Variants in KAZN observed in about 807,000 individuals in gnomAD.
KAZN encodes kazrin.
Under a neutral mutation model 87.4 loss-of-function variants are expected in KAZN, and 40 were observed. The observed-to-expected ratio is 0.46, with a 90% CI of 0.36 to 0.60. The LOEUF is 0.60. Among genes scored for constraint, KAZN ranks in the 20% least tolerant of loss-of-function variants. KAZN has a pLI of 0.00. For synonymous variants in KAZN, 466 were observed against 458.3 expected (o/e 1.02, Z -0.22); for missense variants, 898 against 1,073.9 (o/e 0.84, Z 2.29).
At chr1:14,942,044 A>G (rs568497871) in intron 1 of KAZN, among the ~76,000 whole-genome samples, 2 of 152,188 alleles carry the variant, frequency 1.3e-5, no homozygotes, top group South Asian at 4.1e-4. Flanking sequence ...TTCGTGTCCC[A>G]AGTCGTGTTA....
intron 2 of KAZN, among the ~76,000 whole-genome samples, chr1:14,343,319 G>T (rs1375500416): frequency 6.6e-6 from 1 of 152,170 alleles, no homozygotes; most frequent in African/African-American, 2.4e-5. Flanking sequence ...AAGACGATTT[G>T]AGTCCACTTC....
intron 1 of KAZN, among the ~76,000 whole-genome samples, chr1:14,637,434 C>T (rs1680075163): frequency 6.6e-6 from 1 of 152,068 alleles, no homozygotes; most frequent in East Asian, 1.9e-4. Context: ...AACTGAGGCT[C>T]GGAAAGGTCA....
intron 1 of KAZN, among the ~76,000 whole-genome samples, chr1:14,879,845 A>G (rs951134097): frequency 1.3e-5 from 2 of 152,218 alleles, no homozygotes; most frequent in African/African-American, 4.8e-5. Flanking sequence ...ATGGTCCCCA[A>G]ATATGAGCTA....
intron 1 of KAZN, among the ~76,000 whole-genome samples, chr1:14,933,628 G>A (rs1021447883): frequency 3.3e-5 from 5 of 150,900 alleles, no homozygotes; most frequent in Non-Finnish European, 7.3e-5. Context: ...GCATTGTGAT[G>A]TACATTTTAA....
chr1:14,782,650 T>C (rs1645393174), intron 1 of KAZN, among the ~76,000 whole-genome samples: 1 of 151,388 alleles, frequency 6.6e-6, no homozygotes, highest in African/African-American at 2.4e-5. Context: ...ATTTTAGTAA[T>C]TGAAGAGGCC....
chr1:15,033,446 C>T (rs1037014839), intron 2 of KAZN, among the ~76,000 whole-genome samples: 2 of 152,132 alleles, frequency 1.3e-5, no homozygotes, highest in Non-Finnish European at 2.9e-5. Flanking sequence ...GGAGTAGAAT[C>T]GCAGGGTCGT....
At chr1:15,087,488 G>A (rs1404318002) in intron 8 of KAZN, among the ~76,000 whole-genome samples, 1 of 151,920 alleles carries the variant, frequency 6.6e-6, no homozygotes, top group Non-Finnish European at 1.5e-5. Context: ...CGCCTCCTGG[G>A]TTCAAGCAAT....
intron 2 of KAZN, among the ~76,000 whole-genome samples, chr1:14,421,754 CT>C (rs1665440880): frequency 6.6e-6 from 1 of 152,130 alleles, no homozygotes; most frequent in East Asian, 1.9e-4. Flanking sequence ...ATCTCCCAAA[CT>C]CTTTTTACCA....
At chr1:14,935,225 C>T (rs1335704409) in intron 1 of KAZN, among the ~76,000 whole-genome samples, 3 of 152,218 alleles carry the variant, frequency 2.0e-5, no homozygotes, top group Non-Finnish European at 4.4e-5. Flanking sequence ...CACCAGGGTA[C>T]AGTGGTTCTT....
intron 2 of KAZN, among the ~76,000 whole-genome samples, chr1:14,232,178 C>T (rs1647922054): frequency 6.6e-6 from 1 of 152,168 alleles, no homozygotes; most frequent in Non-Finnish European, 1.5e-5. Context: ...TAGATGATTG[C>T]TGCTATCACA....
chr1:14,492,837 C>T lies in KAZN; in HGVS notation c.250-106146C>T, dbSNP rs1000953842. ...ACATATACCGCCCATATATCACACA[C>T]GTACACACACCATACCCATGTGTGA... On this transcript the variant is annotated intron_variant, in intron 2 of 16. Coordinates refer to the KAZN transcript ENST00000636203. Among the ~76,000 whole-genome samples the T allele has an allele frequency of 1.2e-4, 18 of 150,566 alleles. No homozygotes were observed. In the East Asian group the frequency reaches 3.4e-3, roughly 29 times the overall value.
intron 1 of KAZN, among the ~76,000 whole-genome samples, chr1:14,132,865 C>T (rs1327198824): frequency 1.3e-5 from 2 of 152,038 alleles, no homozygotes; most frequent in Non-Finnish European, 2.9e-5. Flanking sequence ...GAGGACTTTT[C>T]GTGGTGGTCC....
intron 1 of KAZN, among the ~76,000 whole-genome samples, chr1:14,002,548 A>G (rs1245340518): frequency 1.3e-5 from 2 of 152,228 alleles, no homozygotes; most frequent in Non-Finnish European, 1.5e-5. Flanking sequence ...CTGCAAGTCC[A>G]GTTAAACCTC....
chr1:14,855,690 C>T (rs1650017316), intron 1 of KAZN, among the ~76,000 whole-genome samples: 2 of 152,174 alleles, frequency 1.3e-5, no homozygotes, highest in South Asian at 4.2e-4. Flanking sequence ...TTGAACTGCT[C>T]CTATGTGCTG....
In KAZN at chr1:14,793,046, G is replaced by T. The variant is rs142126030; in HGVS notation, c.227-167638G>T. 4.0e-4 allele frequency among the ~76,000 whole-genome samples: 61 copies of T among 152,198 alleles called. 2 individuals carry two copies. The East Asian group carries it at 0.011, about 28-fold the overall frequency. On this transcript the variant is annotated intron_variant, in intron 1 of 14. Coordinates refer to ENST00000376030, the MANE Select transcript of KAZN (RefSeq NM_201628.3). The stretch of plus-strand genomic sequence containing the variant: ...TTGGGAAAGCAGCCGGAGGAGATGA[G>T]GGTCAGCCCAGGCAGGTGTGTGTGT...
At chr1:14,400,102 C>T (rs1398392278) in intron 2 of KAZN, among the ~76,000 whole-genome samples, 1 of 152,160 alleles carries the variant, frequency 6.6e-6, no homozygotes, top group Non-Finnish European at 1.5e-5. Context: ...CCGGTGACCA[C>T]TGGACATACT....
intron 1 of KAZN, among the ~76,000 whole-genome samples, chr1:14,872,425 T>A (rs1446145007): frequency 6.6e-6 from 1 of 152,248 alleles, no homozygotes; most frequent in Non-Finnish European, 1.5e-5. Context: ...AACAGCCACA[T>A]ATGGCTAACA....
At chr1:13,935,278 G>A (rs1394213197) in intron 1 of KAZN, among the ~76,000 whole-genome samples, 1 of 49,686 alleles carries the variant, frequency 2.0e-5, no homozygotes, top group African/African-American at 7.1e-5. Flanking sequence ...TAAGCCTTCA[G>A]TACTGACTAA....
At chr1:14,164,431 T>C (rs2100220817) in intron 1 of KAZN, among the ~76,000 whole-genome samples, 1 of 147,706 alleles carries the variant, frequency 6.8e-6, no homozygotes, top group South Asian at 2.2e-4. Context: ...AGTGAGCATT[T>C]CAAGAGAGAA....
Sources: gnomAD v4.1 joint callset for allele counts (sites outside exome capture counted in the v4.1 genomes callset) on GRCh38, gnomAD v4.1.1 for gene constraint, MANE v1.5 for transcripts, NCBI Gene and HGNC (gene_info 2026-07-23, HGNC 2026-07-21) for gene names.